SZT2: variants seen among roughly 807,000 people sequenced by gnomAD.
SZT2 encodes SZT2 subunit of KICSTOR complex.
A neutral mutation model predicts 404.2 loss-of-function variants in SZT2; 216 were observed. That is an observed-to-expected ratio of 0.53 (90% CI 0.48 to 0.60). SZT2 has a LOEUF of 0.60. Ranked by LOEUF, SZT2 falls within the 20% of genes least tolerant of loss-of-function variation. The probability of loss-of-function intolerance (pLI) is 0.00; values close to 1 mark genes in which losing one functional copy is unlikely to be tolerated. For missense variants in SZT2, 3,857 were observed against 4,459.2 expected (o/e 0.86, Z 3.85); for synonymous variants, 1,693 against 1,749.9 (o/e 0.97, Z 0.81).
chr1:43,432,893 G>A, intron 39 of SZT2, 94 bp downstream of exon 39: 4 of 1,591,280 alleles, frequency 2.5e-6, no homozygotes, highest in Non-Finnish European at 3.4e-6. Flanking sequence ...CATCAGAAGG[G>A]ACTAATCTGA....
intron 62 of SZT2, 47 bp from the exon 63 acceptor site, chr1:43,445,847 A>G (rs1655596829): frequency 6.4e-7 from 1 of 1,568,894 alleles, no homozygotes; most frequent in Non-Finnish European, 8.8e-7. Flanking sequence ...CCATGACTGC[A>G]TGCCACTAGC....
chr1:43,420,971 A>G lies in SZT2; in HGVS notation c.1484A>G (p.Asn495Ser), dbSNP rs1421372595. The change falls in exon 10 of 72, where the codon AAC (asparagine) becomes AGC (serine). Residue 495 changes from asparagine to serine, a missense_variant. Coordinates refer to ENST00000634258, the MANE Select transcript of SZT2 (RefSeq NM_001365999.1). The surrounding 1 kb of genome is among the most constrained non-coding windows in gnomAD (Gnocchi z 5.1). ...ACCCATGTTATCCGGCGTTTCTGGA[A>G]CACGCTGCAGAGGTCAGTGAAGTCA... The part of the protein sequence containing the change: ...YRTHVIRRFW[N>S]TLQSINQTDQ... 1.1e-5 allele frequency: 17 copies of G among 1,598,342 alleles called. No homozygotes were observed. The highest frequency in any genetic ancestry group is 1.4e-5 in the Non-Finnish European group (17 of 1,179,820).
In SZT2 at chr1:43,433,119, G is replaced by GC; in HGVS notation, c.5736dup (p.Cys1913LeufsTer4). 6.2e-7 allele frequency: 1 copy of GC among 1,614,150 alleles called. No homozygotes were observed. The highest frequency in any genetic ancestry group is 8.5e-7 in the Non-Finnish European group (1 of 1,180,030). On this transcript the variant is annotated frameshift_variant, in exon 40 of 72. Coordinates refer to ENST00000634258, the MANE Select transcript of SZT2 (RefSeq NM_001365999.1). LOFTEE classifies it high-confidence loss of function. ...AGCCTTCACTCTCAGGCCTCCCTGG[G>GC]CCCTGCCTGCCTGACTTCTGGCTCA...
intron 62 of SZT2, chr1:43,445,493 C>T (rs1570730675): frequency 1.9e-5 from 1 of 51,800 alleles, no homozygotes. Flanking sequence ...AACTGCCATC[C>T]CCCCCAATCA....
At chr1:43,446,592 C>T in intron 65 of SZT2, 176 bp downstream of exon 65, 1 of 754,364 alleles carries the variant, frequency 1.3e-6, no homozygotes, top group Non-Finnish European at 2.2e-6. Context: ...ACTGCACTCA[C>T]TACAAGGCTG....
rs1334917117 is a variant in SZT2, at chr1:43,427,779, T to A, written c.3803+45T>A. On this transcript the variant is annotated intron_variant, in intron 26 of 71. Transcript: ENST00000634258. ...ACCTAAGTCCTCGCCGGGCCATGGC[T>A]CCCAGCCAAGAAATAAGTACACACT... is the stretch of plus-strand genomic sequence containing the variant. The A allele has an allele frequency of 2.5e-6, 4 of 1,595,674 alleles. No homozygotes were observed. In the African/African-American group the frequency reaches 5.4e-5, roughly 21 times the overall value.
chr1:43,439,391 T>G lies in SZT2; in HGVS notation c.6826T>G (p.Leu2276Val). Residue 2276 changes from leucine to valine, a missense_variant, in exon 49 of 72, where the codon TTG becomes GTG. This residue lies in a region of SZT2 where 261 missense variants were observed against 372.9 expected (regional missense o/e 0.70). Transcript: ENST00000634258. This position sits in a 1 kb window ranked among gnomAD's most constrained non-coding sequence, Gnocchi z 4.2. ...CCCACCACAGGGTGGCCTCCCTGAC[T>G]TGGACATCTACTTGTATAACAAGCC... Reference protein sequence around the residue: ...PLPPQGGLPDLDIYLYNKPGG... With the variant: ...PLPPQGGLPDVDIYLYNKPGG... 1 of 1,613,744 alleles carries G rather than the reference T, an allele frequency of 6.2e-7. No individual in the cohort carries two copies.
In SZT2 at chr1:43,439,793, G is replaced by A. The variant is rs753551891; in HGVS notation, c.7042+24G>A. 4 of 1,569,978 alleles carry A rather than the reference G, an allele frequency of 2.5e-6. No individual in the cohort carries two copies. Among genetic ancestry groups the A allele is most frequent in the Non-Finnish European group, 3.5e-6 (4 of 1,156,062 alleles). ...AGGTGGGACAGCTTGGTCAGAGGAT[G>A]AGGTGTTCAGTTATTGCTGTGGGAG... On this transcript the variant is annotated intron_variant, in intron 50 of 71. Coordinates refer to ENST00000634258, the MANE Select transcript of SZT2 (RefSeq NM_001365999.1). This position sits in a 1 kb window ranked among gnomAD's most constrained non-coding sequence, Gnocchi z 4.2.
intron 28 of SZT2, 91 bp downstream of exon 28, chr1:43,428,577 A>G (rs1653470205): frequency 6.6e-7 from 1 of 1,516,018 alleles, no homozygotes; most frequent in African/African-American, 1.4e-5. Context: ...TGACTGTGCA[A>G]GGTAGTATCT....
rs758124360 is a variant in SZT2 at position 43,428,263 on chromosome 1, GCA to G, written c.3946_3947del (p.Gln1316GlufsTer15). 1.9e-6 allele frequency: 3 copies of G among 1,614,090 alleles called. No individual in the cohort carries two copies. The highest frequency in any genetic ancestry group is 1.3e-5 in the African/African-American group (1 of 74,920). On this transcript the variant is annotated frameshift_variant, in exon 28 of 72. Transcript: ENST00000634258. LOFTEE classifies it high-confidence loss of function. Reference sequence around the variant, plus strand: ...AGGGCTATTCCGCAGCTTGCAGCAAGCACAGAGTGTGACCTCCCAGGATTTGC... The same window carrying G: ...AGGGCTATTCCGCAGCTTGCAGCAAGCAGAGTGTGACCTCCCAGGATTTGC... ...VRGLFRSLQQ[A>X]QSVTSQDLLT...
In SZT2 at chr1:43,393,474, CACTGGAATACATGCTTTTA is replaced by C. The variant is rs1218079619; in HGVS notation, c.27+3484_27+3502del. On this transcript the variant is annotated intron_variant, in intron 1 of 71. Transcript: ENST00000634258. ...AAGCATTTGATCCTAAGTGCTCTAA[CACTGGAATACATGCTTTTA>C]ACTGCGTGGGGATTGGTGAGAGATA... Among the ~76,000 whole-genome samples the C allele has an allele frequency of 7.4e-4, 112 of 152,318 alleles. 1 individual carries two copies. The highest frequency in any genetic ancestry group is 2.6e-3 in the African/African-American group (110 of 41,568).
chr1:43,446,353 C>T lies in SZT2; in HGVS notation c.9009C>T (p.Phe3003=), dbSNP rs2153936606. ...LMELAFQGCY[F]CVKQFALECS... ...CACCTTCCCTCCAGGGCTGTTACTT[C>T]TGTGTCAAACAGTTTGCCCTGGAAT... The change falls in exon 65 of 72, where the codon TTC becomes TTT. Residue 3003 remains phenylalanine (F), a synonymous_variant. Coordinates refer to ENST00000634258, the MANE Select transcript of SZT2 (RefSeq NM_001365999.1). 1 of 1,614,252 alleles carries T rather than the reference C, an allele frequency of 6.2e-7. No homozygotes were observed. The highest frequency in any genetic ancestry group is 8.5e-7 in the Non-Finnish European group (1 of 1,180,046).
chr1:43,415,139 A>G lies in SZT2; in HGVS notation c.556A>G (p.Ile186Val). The change falls in exon 5 of 72, where the codon ATA becomes GTA. Residue 186 changes from isoleucine (I) to valine (V), a missense_variant. Physicochemically the swap from Ile to Val is conservative, Grantham distance 29 (BLOSUM62 3). Transcript: ENST00000634258. Reference protein sequence around the residue: ...PSQREVFLQQIYEQLCLFEDK... With the variant: ...PSQREVFLQQVYEQLCLFEDK... ...CCAGCGGGAGGTGTTCCTGCAGCAG[A>G]TATATGAGCAGCTCTGCCTCTTTGA... The G allele has an allele frequency of 6.3e-7, 1 of 1,598,112 alleles. No homozygotes were observed.
rs1379563391 is a variant in SZT2, at chr1:43,448,694, A to G, written c.10052A>G (p.His3351Arg). 6.2e-7 allele frequency: 1 copy of G among 1,614,042 alleles called. No homozygotes were observed. Among genetic ancestry groups the G allele is most frequent in the Non-Finnish European group, 8.5e-7 (1 of 1,180,044 alleles). Reference protein sequence around the residue: ...LLSRFPQSCRHFQSPDLGTQY... With the variant: ...LLSRFPQSCRRFQSPDLGTQY... ...AGCCGCTTCCCCCAGAGCTGTCGCC[A>G]TTTCCAAAGCCCAGACTTGGGAACT... is the stretch of plus-strand genomic sequence containing the variant. The change falls in exon 70 of 72, where the codon CAT becomes CGT. Residue 3351 changes from histidine to arginine, a missense_variant. Around this residue, in one of 7 missense-constraint regions of SZT2, gnomAD observed 717 missense variants for 868.2 expected, o/e 0.83. Coordinates refer to ENST00000634258, the MANE Select transcript of SZT2 (RefSeq NM_001365999.1). This position sits in a 1 kb window ranked among gnomAD's most constrained non-coding sequence, Gnocchi z 4.2.
chr1:43,425,633 C>T lies in SZT2; in HGVS notation c.2805C>T (p.Ile935=). ...TCCAGGACCTGACGTATTCTGAGATCCCGCAAGCTGTGAGTGTCCTCAGAA... is the reference window on the plus strand; with the variant it reads ...TCCAGGACCTGACGTATTCTGAGATTCCGCAAGCTGTGAGTGTCCTCAGAA... The part of the protein sequence containing the change: ...KHLQDLTYSE[I]PQALHPRDAA... The change falls in exon 19 of 72, where the codon ATC becomes ATT. Residue 935 remains isoleucine, a synonymous_variant. Transcript: ENST00000634258. This position sits in a 1 kb window ranked among gnomAD's most constrained non-coding sequence, Gnocchi z 4.3. The T allele has an allele frequency of 6.2e-7, 1 of 1,613,970 alleles. No homozygotes were observed.
chr1:43,423,246 C>A lies in SZT2; in HGVS notation c.2185C>A (p.Pro729Thr). 6.3e-7 allele frequency: 1 copy of A among 1,587,378 alleles called. No individual in the cohort carries two copies. The highest frequency in any genetic ancestry group is 8.5e-7 in the Non-Finnish European group (1 of 1,174,144). The change falls in exon 15 of 72, where the codon CCA becomes ACA. Residue 729 changes from proline to threonine, a missense_variant. Around this residue, in one of 7 missense-constraint regions of SZT2, gnomAD observed 1,725 missense variants for 1,881.0 expected, o/e 0.92. Coordinates refer to ENST00000634258, the MANE Select transcript of SZT2 (RefSeq NM_001365999.1). The stretch of plus-strand genomic sequence containing the variant: ...CTCCAAGTCACCCCCCGTGCTGGGG[C>A]CACAGCAGGCCCTGTCTGACCGGCC... ...SPSKSPPVLG[P>T]QQALSDRPCL...
Position 43,404,538 on chromosome 1 carries a change from G to A in SZT2, c.486G>A (p.Leu162=). 1.2e-6 allele frequency: 2 copies of A among 1,613,060 alleles called. No individual in the cohort carries two copies. The highest frequency in any genetic ancestry group is 1.7e-6 in the Non-Finnish European group (2 of 1,179,620). ...TIQAYSSIIG[L]QSHQVLVQGC... ...AGGCCTACTCCTCCATCATTGGACTGCAGTCCCACCAGGTATTGCATCATC... is the reference window on the plus strand; with the variant it reads ...AGGCCTACTCCTCCATCATTGGACTACAGTCCCACCAGGTATTGCATCATC... Residue 162 remains leucine (L), a synonymous_variant, in exon 4 of 72, where the codon CTG becomes CTA. Transcript: ENST00000634258.
chr1:43,437,196 G>A lies in SZT2; in HGVS notation c.6060G>A (p.Ala2020=), dbSNP rs141635115. 8.9e-5 allele frequency: 144 copies of A among 1,614,048 alleles called. No homozygotes were observed. The highest frequency in any genetic ancestry group is 2.7e-4 in the Admixed American group (16 of 60,006). ...SDDYAADESC[A]PRGYLAATMQ... ...ATTATGCTGCTGATGAGAGCTGTGC[G>A]CCCCGTGGGTACCTGGCAGCCACAA... Residue 2020 remains alanine, a synonymous_variant, in exon 43 of 72, where the codon GCG becomes GCA. Transcript: ENST00000634258. This position sits in a 1 kb window ranked among gnomAD's most constrained non-coding sequence, Gnocchi z 5.3.
Position 43,427,673 on chromosome 1 carries a change from G to A in SZT2, c.3742G>A (p.Ala1248Thr), listed in dbSNP as rs369058885. 6.2e-7 allele frequency: 1 copy of A among 1,614,184 alleles called. No homozygotes were observed. The highest frequency in any genetic ancestry group is 8.5e-7 in the Non-Finnish European group (1 of 1,180,036). Reference protein sequence around the residue: ...PVYIYSCSLEALREQMVGMQP... With the variant: ...PVYIYSCSLETLREQMVGMQP... ...CTACATCTACAGCTGTTCACTGGAA[G>A]CGCTGAGGGAACAAATGGTTGGCAT... Residue 1248 changes from alanine to threonine, a missense_variant, in exon 26 of 72, where the codon GCG becomes ACG. Around this residue, in one of 7 missense-constraint regions of SZT2, gnomAD observed 1,725 missense variants for 1,881.0 expected, o/e 0.92. Coordinates refer to ENST00000634258, the MANE Select transcript of SZT2 (RefSeq NM_001365999.1).
Sources: gnomAD v4.1 joint callset for allele counts (sites outside exome capture counted in the v4.1 genomes callset) on GRCh38, gnomAD v4.1.1 for gene constraint, gnomAD v4.1.1 regional missense constraint, Gnocchi (gnomAD v3.1) non-coding constraint, MANE v1.5 for transcripts, NCBI Gene and HGNC (gene_info 2026-07-23, HGNC 2026-07-21) for gene names.